Variants in UBE2K observed in about 807,000 individuals in gnomAD.
The protein encoded by UBE2K is ubiquitin conjugating enzyme E2 K.
UBE2K carries 6 observed loss-of-function variants against 30.0 expected under a neutral mutation model. The observed-to-expected ratio is 0.20, with a 90% CI of 0.11 to 0.39. UBE2K has a LOEUF of 0.39. Ranked by LOEUF, UBE2K falls within the 10% of genes least tolerant of loss-of-function variation. The probability of loss-of-function intolerance (pLI) is 1.00; values close to 1 mark genes in which losing one functional copy is unlikely to be tolerated. For missense variants in UBE2K, 61 were observed against 241.6 expected, an observed-to-expected ratio of 0.25 and a Z score of 4.96; for synonymous variants, 86 against 83.7, an observed-to-expected ratio of 1.03 and a Z score of -0.15.
chr4:39,748,752 T>C (rs1721109371), intron 3 of UBE2K, among the ~76,000 whole-genome samples: 2 of 152,128 alleles, frequency 1.3e-5, no homozygotes, highest in Admixed American at 1.3e-4. Context: ...CCTCAACCAA[T>C]TAGTCATAGT....
Position 39,782,683 on chromosome 4 carries a change from T to C in UBE2K, c.*4249T>C, listed in dbSNP as rs1291908016. On this transcript the variant is annotated 3_prime_UTR_variant, in exon 7 of 7. Coordinates refer to ENST00000261427, the MANE Select transcript of UBE2K (RefSeq NM_005339.5). ...GAGAATTAAAAACTACGAAACACTT[T>C]TGTACACAACTGATTTTTTAAAAAA... 2.0e-5 allele frequency: 3 copies of C among 152,190 alleles called. No homozygotes were observed. The highest frequency in any genetic ancestry group is 7.2e-5 in the African/African-American group (3 of 41,450). 9.4% of individuals were successfully genotyped at this position (152,190 alleles called of 1,614,324 possible).
intron 1 of UBE2K, among the ~76,000 whole-genome samples, chr4:39,723,403 C>G (rs1017930485): frequency 5.4e-5 from 8 of 148,794 alleles, no homozygotes; most frequent in Non-Finnish European, 1.0e-4. Context: ...GAGTCTCGCC[C>G]TGTTGCCCGG....
chr4:39,768,744 T>C (rs1264786391), intron 4 of UBE2K, among the ~76,000 whole-genome samples: 2 of 152,218 alleles, frequency 1.3e-5, no homozygotes, highest in African/African-American at 4.8e-5. Flanking sequence ...CTAATTTGTA[T>C]TCCCACCAGC....
chr4:39,748,818 C>CA (rs201435510), intron 3 of UBE2K, among the ~76,000 whole-genome samples: 23 of 149,156 alleles, frequency 1.5e-4, no homozygotes, highest in African/African-American at 4.2e-4. Context: ...TTTTAAATAA[C>CA]AAAAAAAAAT....
chr4:39,732,046 C>G (rs553274318), intron 1 of UBE2K, among the ~76,000 whole-genome samples: 1 of 152,198 alleles, frequency 6.6e-6, no homozygotes, highest in African/African-American at 2.4e-5. Context: ...TAATTATTCT[C>G]TTTAAAAAAT....
intron 1 of UBE2K, among the ~76,000 whole-genome samples, chr4:39,728,487 C>T (rs1047134179): frequency 5.3e-5 from 8 of 152,238 alleles, no homozygotes; most frequent in South Asian, 2.1e-4. Context: ...TATTGTTGAT[C>T]GTTCAGCAAC....
chr4:39,714,961 C>G (rs1219591622), intron 1 of UBE2K, among the ~76,000 whole-genome samples: 2 of 151,760 alleles, frequency 1.3e-5, no homozygotes, highest in Admixed American at 1.3e-4. Context: ...AAGTGATTTT[C>G]CCATGCCTCA....
chr4:39,779,250 C>CA lies in UBE2K; in HGVS notation c.*821dup, dbSNP rs1402583109. 6.6e-6 allele frequency: 1 copy of CA among 152,056 alleles called. No homozygotes were observed. Among genetic ancestry groups the CA allele is most frequent in the Non-Finnish European group, 1.5e-5 (1 of 68,014 alleles). 9.4% of individuals were successfully genotyped at this position (152,056 alleles called of 1,614,324 possible). A position where few individuals can be genotyped will look rare whatever the true frequency, so the allele number is the denominator to read the frequency against. ...GGAACTGCCAATTTTATTTCTCTTG[C>CA]AAAAATAGTAAATACTTGATGTTAC... On this transcript the variant is annotated 3_prime_UTR_variant, in exon 7 of 7. Coordinates refer to ENST00000261427, the MANE Select transcript of UBE2K (RefSeq NM_005339.5).
intron 4 of UBE2K, chr4:39,771,168 C>T: frequency 2.5e-6 from 4 of 1,612,970 alleles, no homozygotes; most frequent in South Asian, 2.2e-5. Context: ...CCAGGGTGCC[C>T]GTGTAGCAGG....
At chr4:39,725,087 A>G (rs1719668703) in intron 1 of UBE2K, among the ~76,000 whole-genome samples, 2 of 152,136 alleles carry the variant, frequency 1.3e-5, no homozygotes, top group South Asian at 4.1e-4. Flanking sequence ...GTTGTTATAC[A>G]AAAGCCTTCG....
chr4:39,709,763 G>A (rs560414820), intron 1 of UBE2K, among the ~76,000 whole-genome samples: 3 of 152,062 alleles, frequency 2.0e-5, no homozygotes, highest in South Asian at 2.1e-4. Context: ...GTTATAAATC[G>A]TTCAAAGTTT....
At chr4:39,771,224 C>T (rs1489431191) in intron 4 of UBE2K, 5 of 1,612,356 alleles carry the variant, frequency 3.1e-6, no homozygotes, top group South Asian at 1.1e-5. Context: ...ATCAGGGAGA[C>T]CTGCAGCTCC....
intron 1 of UBE2K, among the ~76,000 whole-genome samples, chr4:39,715,819 G>C (rs180854871): frequency 1.3e-5 from 2 of 150,884 alleles, no homozygotes; most frequent in African/African-American, 4.9e-5. Context: ...TCCTGCTCTG[G>C]AGGCACTGTG....
At chr4:39,727,461 A>G (rs1719817438) in intron 1 of UBE2K, among the ~76,000 whole-genome samples, 1 of 152,196 alleles carries the variant, frequency 6.6e-6, no homozygotes, top group African/African-American at 2.4e-5. Context: ...TCCTGGGCTC[A>G]GGTGATTTTC....
intron 3 of UBE2K, among the ~76,000 whole-genome samples, chr4:39,750,848 C>T (rs1241838324): frequency 2.6e-5 from 4 of 151,444 alleles, no homozygotes; most frequent in South Asian, 2.1e-4. Flanking sequence ...TGGGCTCAAG[C>T]GATCCTCTCA....
intron 4 of UBE2K, chr4:39,771,325 A>C: frequency 1.2e-6 from 2 of 1,612,470 alleles, no homozygotes; most frequent in Non-Finnish European, 1.7e-6. Flanking sequence ...GCTGTCGGCC[A>C]CAATGGTCAC....
At chr4:39,698,558 C>T (rs1473816280) in intron 1 of UBE2K, among the ~76,000 whole-genome samples, 168 bp downstream of exon 1, 3 of 152,126 alleles carry the variant, frequency 2.0e-5, no homozygotes, top group African/African-American at 7.2e-5. Context: ...CCTTCCCCTC[C>T]CCTCCCAGAG....
At chr4:39,751,108 T>C (rs1721230078) in intron 3 of UBE2K, among the ~76,000 whole-genome samples, 1 of 150,546 alleles carries the variant, frequency 6.6e-6, no homozygotes, top group Non-Finnish European at 1.5e-5. Context: ...CTTTTCTTCT[T>C]GTTTTTTTTT....
chr4:39,729,682 C>T (rs919575835), intron 1 of UBE2K, among the ~76,000 whole-genome samples: 6 of 152,154 alleles, frequency 3.9e-5, no homozygotes, highest in African/African-American at 1.4e-4. Context: ...ATTGTTACAA[C>T]ACTTCAAATT....
Sources: allele counts gnomAD v4.1 joint callset (sites outside exome capture counted in the v4.1 genomes callset), GRCh38; gene constraint gnomAD v4.1.1; transcripts MANE v1.5; gene names NCBI Gene and HGNC (gene_info 2026-07-23, HGNC 2026-07-21).